Variants in INPP4B observed in about 807,000 individuals in gnomAD.
INPP4B encodes the protein inositol polyphosphate-4-phosphatase type II B.
A neutral mutation model predicts 122.5 loss-of-function variants in INPP4B; 55 were observed. That is an observed-to-expected ratio of 0.45 (90% CI 0.36 to 0.56). The LOEUF (loss-of-function observed/expected upper bound fraction) is 0.56, where lower values mean the gene tolerates loss of function less well. Among genes scored for constraint, INPP4B ranks in the 20% least tolerant of loss-of-function variants. INPP4B has a pLI of 0.00. For missense variants in INPP4B, 1,000 were observed against 1,097.7 expected (o/e 0.91, Z 1.26); for synonymous variants, 403 against 388.7 (o/e 1.04, Z -0.43).
chr4:142,527,778 G>A (rs1476707920), intron 2 of INPP4B, among the ~76,000 whole-genome samples: 3 of 151,912 alleles, frequency 2.0e-5, no homozygotes, highest in Non-Finnish European at 4.4e-5. Context: ...TTTTCAGGAG[G>A]TCTGTGAAGT....
At chr4:142,808,070 G>C (rs1344061873) in intron 1 of INPP4B, among the ~76,000 whole-genome samples, 5 of 151,320 alleles carry the variant, frequency 3.3e-5, no homozygotes, top group Admixed American at 6.6e-5. Flanking sequence ...TTCTCTAAAG[G>C]AGCCCTGTTA....
At chr4:142,806,278 C>CAAAAAAAAAAA (rs1175185594) in intron 1 of INPP4B, among the ~76,000 whole-genome samples, 10 of 53,596 alleles carry the variant, frequency 1.9e-4, no homozygotes, top group East Asian at 7.8e-4. Flanking sequence ...GACTCCGTCT[C>CAAAAAAAAAAA]AAAAAAAAAA....
chr4:142,698,482 G>C lies in INPP4B; in HGVS notation c.-191+27357C>G, dbSNP rs183895470. On this transcript the variant is annotated intron_variant, in intron 2 of 25. Coordinates refer to ENST00000262992, the MANE Select transcript of INPP4B (RefSeq NM_001101669.3). ...TATTCATTTTCATTACCAGACCCTA[G>C]ATCTTGTCACTACCAATATCTGGAC... Among the ~76,000 whole-genome samples the C allele has an allele frequency of 2.0e-5, 3 of 152,146 alleles. No individual in the cohort carries two copies. In the East Asian group the frequency reaches 5.8e-4, roughly 29 times the overall value.
intron 1 of INPP4B, among the ~76,000 whole-genome samples, chr4:142,780,243 G>A (rs980858340): frequency 3.9e-5 from 6 of 152,036 alleles, no homozygotes; most frequent in African/African-American, 1.4e-4. Flanking sequence ...TATGATAAAA[G>A]CAAGTAGACT....
chr4:142,258,867 G>C (rs985046241), intron 11 of INPP4B, among the ~76,000 whole-genome samples: 3 of 152,044 alleles, frequency 2.0e-5, no homozygotes, highest in African/African-American at 7.3e-5. Flanking sequence ...TATACCCAAA[G>C]GACTATAAAT....
intron 3 of INPP4B, among the ~76,000 whole-genome samples, chr4:142,456,871 G>C (rs77753862): frequency 0.032 from 4,918 of 151,972 alleles, 177 homozygotes; most frequent in African/African-American, 0.068. Context: ...GAAAGGCAAA[G>C]AAAGGATAGC....
intron 2 of INPP4B, among the ~76,000 whole-genome samples, chr4:142,535,596 T>C (rs1828094345): frequency 6.6e-6 from 1 of 152,168 alleles, no homozygotes; most frequent in South Asian, 2.1e-4. Flanking sequence ...TGGCTTATAA[T>C]ATCACTTACT....
At chr4:142,531,983 T>C (rs540072072) in intron 2 of INPP4B, among the ~76,000 whole-genome samples, 2 of 152,328 alleles carry the variant, frequency 1.3e-5, no homozygotes, top group African/African-American at 4.8e-5. Context: ...ACATATTGAC[T>C]TGTCCTGTTC....
Position 142,405,383 on chromosome 4 carries a change from T to G in INPP4B, c.137-59A>C, listed in dbSNP as rs1310856817. The G allele has an allele frequency of 4.0e-5, 42 of 1,058,710 alleles. No homozygotes were observed. In the Admixed American group the frequency reaches 7.2e-4, roughly 18 times the overall value. The allele number at this position is 1,058,710 out of a possible 1,614,324, so 65.6% of individuals were successfully genotyped here. A position where few individuals can be genotyped will look rare whatever the true frequency, so the allele number is the denominator to read the frequency against. ...ACTAACACCATATCTCAGGGAAAAC[T>G]TCTGCGCCGGGCTGAAAGTGAACTT... On this transcript the variant is annotated intron_variant, in intron 5 of 25. Transcript: ENST00000262992.
At chr4:142,072,960 G>A (rs1173708017) in intron 25 of INPP4B, among the ~76,000 whole-genome samples, 2 of 152,030 alleles carry the variant, frequency 1.3e-5, no homozygotes, top group African/African-American at 4.8e-5. Flanking sequence ...GAGAAATCAG[G>A]CAGTCTAATT....
chr4:142,118,947 G>GA (rs1222596024), intron 21 of INPP4B, among the ~76,000 whole-genome samples: 3 of 151,890 alleles, frequency 2.0e-5, no homozygotes, highest in South Asian at 4.2e-4. Flanking sequence ...AAATTTACAA[G>GA]AAAAAAAATC....
intron 2 of INPP4B, among the ~76,000 whole-genome samples, chr4:142,529,156 T>C (rs1580294801): frequency 6.6e-6 from 1 of 152,108 alleles, no homozygotes; most frequent in Admixed American, 6.6e-5. Flanking sequence ...TATGGAATCA[T>C]GCATGTATCC....
chr4:142,193,067 T>C lies in INPP4B; in HGVS notation c.1181+20A>G. 7.0e-7 allele frequency: 1 copy of C among 1,423,928 alleles called. No homozygotes were observed. The highest frequency in any genetic ancestry group is 9.9e-7 in the Non-Finnish European group (1 of 1,007,044). The allele number at this position is 1,423,928 out of a possible 1,614,324, so 88.2% of individuals were successfully genotyped here. A position where few individuals can be genotyped will look rare whatever the true frequency, so the allele number is the denominator to read the frequency against. ...AGATGTTATTAATGGAATCTGTGCT[T>C]TCCTCCTGTCTTTACTTACTTTCTT... On this transcript the variant is annotated intron_variant, in intron 15 of 25. Coordinates refer to ENST00000262992, the MANE Select transcript of INPP4B (RefSeq NM_001101669.3).
At chr4:142,049,438 G>A (rs563221171) in intron 25 of INPP4B, among the ~76,000 whole-genome samples, 2 of 151,974 alleles carry the variant, frequency 1.3e-5, no homozygotes, top group Non-Finnish European at 2.9e-5. Context: ...CCTGAAAGAA[G>A]TTATGTAATA....
intron 7 of INPP4B, among the ~76,000 whole-genome samples, chr4:142,380,204 G>A (rs962019707): frequency 6.6e-6 from 1 of 152,186 alleles, no homozygotes; most frequent in African/African-American, 2.4e-5. Context: ...AAAGGATCAT[G>A]CTCCTACATG....
At chr4:142,348,296 A>G (rs1780905898) in intron 7 of INPP4B, among the ~76,000 whole-genome samples, 1 of 152,158 alleles carries the variant, frequency 6.6e-6, no homozygotes, top group Admixed American at 6.6e-5. Flanking sequence ...TTGGCAGGAG[A>G]TAAAAATGCA....
chr4:142,119,037 A>G (rs1232993294), intron 21 of INPP4B, among the ~76,000 whole-genome samples: 1 of 152,214 alleles, frequency 6.6e-6, no homozygotes, highest in Non-Finnish European at 1.5e-5. Flanking sequence ...CAACAGACAC[A>G]TGAAAATATG....
rs546073566 is a variant in INPP4B at position 142,737,208 on chromosome 4, A to T, written c.-253-11307T>A. 3.9e-5 allele frequency among the ~76,000 whole-genome samples: 6 copies of T among 152,304 alleles called. No individual in the cohort carries two copies. In the East Asian group the frequency reaches 9.7e-4, roughly 25 times the overall value. The stretch of plus-strand genomic sequence containing the variant: ...GAGGCATCAGGCTACCTGACTTCAA[A>T]CTATACTACAAGGCTACAGTAACCA... On this transcript the variant is annotated intron_variant, in intron 1 of 25. Transcript: ENST00000262992.
chr4:142,405,285 A>G lies in INPP4B; in HGVS notation c.176T>C (p.Leu59Pro), dbSNP rs749451581. The G allele has an allele frequency of 1.2e-6, 2 of 1,613,662 alleles. No homozygotes were observed. Among genetic ancestry groups the G allele is most frequent in the Non-Finnish European group, 1.7e-6 (2 of 1,179,720 alleles). The change falls in exon 6 of 26, where the codon CTG becomes CCG. Residue 59 changes from leucine to proline, a missense_variant. Coordinates refer to ENST00000262992, the MANE Select transcript of INPP4B (RefSeq NM_001101669.3). The part of the protein sequence containing the change: ...DLVAPVRDRK[L>P]NTLVQISVIH... ...TACGGAGATCTGCACCAGTGTATTCAGTTTACGATCACGGACAGGAGCCAC... is the reference window on the plus strand; with the variant it reads ...TACGGAGATCTGCACCAGTGTATTCGGTTTACGATCACGGACAGGAGCCAC...
Sources: allele counts gnomAD v4.1 joint callset (sites outside exome capture counted in the v4.1 genomes callset), GRCh38; gene constraint gnomAD v4.1.1; transcripts MANE v1.5; gene names NCBI Gene and HGNC (gene_info 2026-07-23, HGNC 2026-07-21).